Variants in CSMD2 observed in about 807,000 individuals in gnomAD.
The protein encoded by CSMD2 is CUB and Sushi multiple domains 2.
In CSMD2, 130 loss-of-function variants were observed where a neutral mutation model predicts 398.5. That is an observed-to-expected ratio of 0.33 (90% CI 0.28 to 0.38). The LOEUF is 0.38. CSMD2 is among the 10% of genes least tolerant of loss of function. CSMD2 has a pLI of 1.00. For synonymous variants in CSMD2, 1,828 were observed against 1,908.5 expected (o/e 0.96, Z 1.10); for missense variants, 3,829 against 4,764.9 (o/e 0.80, Z 5.78).
intron 27 of CSMD2, among the ~76,000 whole-genome samples, chr1:33,654,435 G>A (rs772745452): frequency 6.6e-6 from 1 of 152,200 alleles, no homozygotes; most frequent in African/African-American, 2.4e-5. Flanking sequence ...AGTAGCCAGA[G>A]TAGAGGAGGC....
rs371583445 is a variant in CSMD2 at position 33,593,792 on chromosome 1, GTA to G, written c.6857-6626_6857-6625del. 1.1e-3 allele frequency among the ~76,000 whole-genome samples: 173 copies of G among 152,272 alleles called. 1 individual carries two copies. The highest frequency in any genetic ancestry group is 0.01 in the South Asian group (50 of 4,832). ...TGCTGTATCTTATTTTGTGCTTGCT[GTA>G]TCTTTGTCCCTACATAGTTTCCTTT... On this transcript the variant is annotated intron_variant, in intron 44 of 70. Coordinates refer to ENST00000373381, the MANE Select transcript of CSMD2 (RefSeq NM_001281956.2).
intron 36 of CSMD2, 130 bp from the exon 37 acceptor site, chr1:33,622,401 GA>G (rs779876682): frequency 9.4e-5 from 63 of 673,208 alleles, no homozygotes; most frequent in Non-Finnish European, 1.5e-4. Context: ...CCCCAGTTAT[GA>G]AACTCACTAA....
intron 2 of CSMD2, among the ~76,000 whole-genome samples, chr1:34,078,077 C>T (rs1329602779): frequency 6.6e-6 from 1 of 152,036 alleles, no homozygotes; most frequent in Non-Finnish European, 1.5e-5. Flanking sequence ...TCAAACAATC[C>T]TCTTGCCTCA....
chr1:33,756,391 T>G (rs1416742531), intron 13 of CSMD2, among the ~76,000 whole-genome samples: 2 of 152,180 alleles, frequency 1.3e-5, no homozygotes, highest in Non-Finnish European at 2.9e-5. Flanking sequence ...AAGCAAGTCC[T>G]TAGCCCCTCT....
Position 33,537,486 on chromosome 1 carries a change from C to T in CSMD2, c.9755G>A (p.Arg3252Lys). The T allele has an allele frequency of 6.2e-7, 1 of 1,614,188 alleles. No individual in the cohort carries two copies. ...PPLVLVGSPR[R>K]FCQSDGTWSG... Reference sequence around the variant, plus strand: ...CCATGTCCCATCTGACTGGCAAAACCTGCGTGGAGAGCCCACCAGCACCAG... The same window carrying T: ...CCATGTCCCATCTGACTGGCAAAACTTGCGTGGAGAGCCCACCAGCACCAG... Residue 3252 changes from arginine to lysine, a missense_variant, in exon 61 of 71, where the codon AGG becomes AAG. Physicochemically the swap from Arg to Lys is conservative, Grantham distance 26. Around this residue, in one of 5 missense-constraint regions of CSMD2, gnomAD observed 917 missense variants for 1,199.5 expected, o/e 0.76. Coordinates refer to ENST00000373381, the MANE Select transcript of CSMD2 (RefSeq NM_001281956.2). The surrounding 1 kb of genome is among the most constrained non-coding windows in gnomAD (Gnocchi z 4.6).
chr1:33,606,379 G>A (rs753315168), intron 41 of CSMD2, among the ~76,000 whole-genome samples: 1 of 152,206 alleles, frequency 6.6e-6, no homozygotes, highest in East Asian at 1.9e-4. Flanking sequence ...CATCAATAAC[G>A]CGGATCTTGA....
At chr1:33,749,674 T>C (rs1390695789) in intron 13 of CSMD2, among the ~76,000 whole-genome samples, 2 of 152,016 alleles carry the variant, frequency 1.3e-5, no homozygotes, top group Non-Finnish European at 2.9e-5. Flanking sequence ...AAGATAAATA[T>C]ACATAGGGAT....
intron 5 of CSMD2, among the ~76,000 whole-genome samples, chr1:33,848,451 G>A (rs1235939582): frequency 5.9e-5 from 9 of 152,148 alleles, no homozygotes; most frequent in Admixed American, 5.2e-4. Flanking sequence ...TAGCCCAACT[G>A]GAAGCCAGAG....
At chr1:33,970,192 GATGAATGAATGA>G (rs748681707) in intron 3 of CSMD2, among the ~76,000 whole-genome samples, 1 of 151,724 alleles carries the variant, frequency 6.6e-6, no homozygotes, top group Non-Finnish European at 1.5e-5. Context: ...TGGCTCCTTA[GATGAATGAATGA>G]ATGAATGAAT....
intron 1 of CSMD2, among the ~76,000 whole-genome samples, chr1:34,117,033 T>TA (rs199579644): frequency 2.0e-5 from 3 of 151,492 alleles, no homozygotes; most frequent in Admixed American, 6.6e-5. Context: ...GCACATGCAT[T>TA]AAAAAAAAGA....
intron 3 of CSMD2, among the ~76,000 whole-genome samples, chr1:33,950,514 T>C (rs1034053532): frequency 2.0e-5 from 3 of 151,414 alleles, no homozygotes; most frequent in Admixed American, 6.6e-5. Context: ...AACTATGAAA[T>C]GTGTGGGTAT....
At chr1:33,592,189 A>G in intron 44 of CSMD2, 1 of 556,582 alleles carries the variant, frequency 1.8e-6, no homozygotes. Flanking sequence ...GCCATCAGAA[A>G]CCAAGGAAAT....
At chr1:34,106,210 C>T (rs1284306594) in intron 1 of CSMD2, among the ~76,000 whole-genome samples, 5 of 152,044 alleles carry the variant, frequency 3.3e-5, no homozygotes, top group South Asian at 2.1e-4. Context: ...GCCATCTCCA[C>T]GTGACAAGTG....
chr1:34,008,665 G>T (rs1325205797), intron 3 of CSMD2, among the ~76,000 whole-genome samples: 1 of 152,182 alleles, frequency 6.6e-6, no homozygotes, highest in Non-Finnish European at 1.5e-5. Flanking sequence ...TTCTAATAAA[G>T]TTGGAGCTTT....
chr1:33,916,449 G>A (rs1643726536), intron 5 of CSMD2, among the ~76,000 whole-genome samples: 1 of 152,182 alleles, frequency 6.6e-6, no homozygotes, highest in African/African-American at 2.4e-5. Flanking sequence ...GATTCCAGTT[G>A]AGTGAAGACT....
intron 3 of CSMD2, among the ~76,000 whole-genome samples, chr1:33,964,269 T>C (rs1362721532): frequency 6.6e-6 from 1 of 152,188 alleles, no homozygotes; most frequent in Non-Finnish European, 1.5e-5. Context: ...TGTTCAGCTA[T>C]AACATGGAGA....
chr1:33,986,102 G>A (rs1030708935), intron 3 of CSMD2, among the ~76,000 whole-genome samples: 14 of 152,170 alleles, frequency 9.2e-5, no homozygotes, highest in Admixed American at 3.3e-4. Flanking sequence ...AATGCCTGCC[G>A]CAGAGCTGGC....
At chr1:33,663,228 G>C in intron 25 of CSMD2, 136 bp from the exon 26 acceptor site, 1 of 685,136 alleles carries the variant, frequency 1.5e-6, no homozygotes, top group Non-Finnish European at 2.4e-6. Flanking sequence ...AGCAGGAGGG[G>C]AGAGAAGGCA....
At chr1:33,590,981 C>CTTTTTTTTTTTTTTTTTTTTTTTTTTTTT (rs11374822) in intron 44 of CSMD2, among the ~76,000 whole-genome samples, 1 of 67,170 alleles carries the variant, frequency 1.5e-5, no homozygotes, top group Non-Finnish European at 2.6e-5. Context: ...TTTTATTTAT[C>CTTTTTTTTTTTTTTTTTTTTTTTTTTTTT]TTTTTTTTTT....
Sources: gnomAD v4.1 joint callset for allele counts (sites outside exome capture counted in the v4.1 genomes callset) on GRCh38, gnomAD v4.1.1 for gene constraint, gnomAD v4.1.1 regional missense constraint, Gnocchi (gnomAD v3.1) non-coding constraint, MANE v1.5 for transcripts, NCBI Gene and HGNC (gene_info 2026-07-23, HGNC 2026-07-21) for gene names.